RWDD2B: variants seen among roughly 807,000 people sequenced by gnomAD.
RWDD2B encodes RWD domain-containing protein 2B.
In RWDD2B, 36 loss-of-function variants were observed where a neutral mutation model predicts 33.6. The observed-to-expected ratio is 1.07, with a 90% CI of 0.82 to 1.42. The LOEUF (loss-of-function observed/expected upper bound fraction) is 1.42, where lower values mean the gene tolerates loss of function less well. RWDD2B is among the 40% of genes most tolerant of loss of function. The pLI is 0.00. For synonymous variants in RWDD2B, 126 were observed against 133.1 expected (o/e 0.95, Z 0.37); for missense variants, 364 against 377.5 (o/e 0.96, Z 0.30).
rs905920620 is a variant in RWDD2B at position 29,010,626 on chromosome 21, A to T, written c.68-2005T>A. On this transcript the variant is annotated intron_variant, in intron 1 of 4. Transcript: ENST00000493196. Reference sequence around the variant, plus strand: ...CCGTCTCAAAAAATAAAAATAAAAAAAAAAAACCAAAAAAAACCCTCTCCC... The same window carrying T: ...CCGTCTCAAAAAATAAAAATAAAAATAAAAAACCAAAAAAAACCCTCTCCC... Among the ~76,000 whole-genome samples the T allele has an allele frequency of 2.5e-3, 354 of 141,460 alleles. 2 individuals carry two copies. The highest frequency in any genetic ancestry group is 7.9e-3 in the African/African-American group (302 of 38,064). The allele number at this position is 141,460 out of a possible 152,430, so 92.8% of individuals were successfully genotyped here.
In RWDD2B at chr21:29,008,494, T is replaced by C. The variant is rs2084840801; in HGVS notation, c.195A>G (p.Ala65=). ...ELIVNDQLAV[A]ELKDCIEKKT... is the part of the protein sequence containing the mutation. ...TCTTTTCAATACAATCTTTCAGTTC[T>C]GCTACAGCCAGCTGGTCATTCACTA... is the stretch of plus-strand genomic sequence containing the variant. The change falls in exon 2 of 5, where the codon GCA becomes GCG. Residue 65 remains alanine (A), a synonymous_variant. Transcript: ENST00000493196. 1.2e-6 allele frequency: 2 copies of C among 1,614,240 alleles called. No individual in the cohort carries two copies. Among genetic ancestry groups the C allele is most frequent in the Non-Finnish European group, 1.7e-6 (2 of 1,180,044 alleles).
intron 1 of RWDD2B, 51 bp downstream of exon 1, chr21:29,019,160 T>A (rs1438798934): frequency 1.4e-6 from 2 of 1,464,680 alleles, no homozygotes; most frequent in Non-Finnish European, 1.9e-6. Flanking sequence ...CGCTGCAGCG[T>A]GGGAAACCCC....
At chr21:29,007,680 C>T (rs1003842814) in intron 4 of RWDD2B, 81 bp downstream of exon 4, 20 of 1,482,360 alleles carry the variant, frequency 1.3e-5, no homozygotes, top group African/African-American at 7.0e-5. Flanking sequence ...TTGACCAAAA[C>T]GTCACTAGGC....
chr21:29,008,213 A>G (rs1219656656), intron 3 of RWDD2B, 27 bp downstream of exon 3: 2 of 1,613,196 alleles, frequency 1.2e-6, no homozygotes, highest in Non-Finnish European at 1.7e-6. Flanking sequence ...TTGACCTCCA[A>G]AGTTGGCCAG....
intron 1 of RWDD2B, among the ~76,000 whole-genome samples, chr21:29,011,671 C>G (rs1373470356): frequency 7.4e-6 from 1 of 135,956 alleles, no homozygotes; most frequent in Non-Finnish European, 1.6e-5. Context: ...CCAGCCGCCC[C>G]GTCCGGGAGG....
Position 29,019,313 on chromosome 21 carries a change from C to T in RWDD2B, c.-36G>A, listed in dbSNP as rs757845114. ...CCTCAAAATTCTAGCATACTGCGAC[C>T]CAAAACTTACAAACCGCCTCAGCTG... On this transcript the variant is annotated 5_prime_UTR_variant, in exon 1 of 5. Transcript: ENST00000493196. 3.6e-5 allele frequency: 54 copies of T among 1,510,646 alleles called. No homozygotes were observed. In the East Asian group the frequency reaches 9.9e-4, roughly 28 times the overall value. 93.6% of individuals were successfully genotyped at this position (1,510,646 alleles called of 1,614,324 possible).
rs2084828259 is a variant in RWDD2B, at chr21:29,006,350, C to T, written c.*67G>A. ...ACTAAAATAAAATTACTTAATCTTT[C>T]AAGAAAAAGTGGGAAAAAAAAATCA... On this transcript the variant is annotated 3_prime_UTR_variant, in exon 5 of 5. Transcript: ENST00000493196. 1 of 1,039,672 alleles carries T rather than the reference C, an allele frequency of 9.6e-7. No individual in the cohort carries two copies. The highest frequency in any genetic ancestry group is 1.4e-6 in the Non-Finnish European group (1 of 710,154). The allele number at this position is 1,039,672 out of a possible 1,614,324, so 64.4% of individuals were successfully genotyped here.
At position 29,008,388 on chromosome 21, in the gene RWDD2B, G is replaced by C; in HGVS notation, c.294+7C>G. The C allele has an allele frequency of 6.2e-7, 1 of 1,613,468 alleles. No individual in the cohort carries two copies. The highest frequency in any genetic ancestry group is 8.5e-7 in the Non-Finnish European group (1 of 1,179,474). ...TTTCAATCCCTCTAAAAGCAAAACT[G>C]AATTACCATTTTTTCGTCAGATACA... On this transcript the variant is annotated splice_region_variant and intron_variant, in intron 2 of 4. Transcript: ENST00000493196.
Position 29,006,358 on chromosome 21 carries a change from A to T in RWDD2B, c.*59T>A, listed in dbSNP as rs1601018267. On this transcript the variant is annotated 3_prime_UTR_variant, in exon 5 of 5. Coordinates refer to ENST00000493196, the MANE Select transcript of RWDD2B (RefSeq NM_016940.3). The stretch of plus-strand genomic sequence containing the variant: ...AAAATTACTTAATCTTTCAAGAAAA[A>T]GTGGGAAAAAAAAATCAAAAGGCCA... 5 of 1,109,216 alleles carry T rather than the reference A, an allele frequency of 4.5e-6. No individual in the cohort carries two copies. In the East Asian group the frequency reaches 1.2e-4, roughly 27 times the overall value. The allele number at this position is 1,109,216 out of a possible 1,614,324, so 68.7% of individuals were successfully genotyped here. A position where few individuals can be genotyped will look rare whatever the true frequency, so the allele number is the denominator to read the frequency against.
intron 1 of RWDD2B, among the ~76,000 whole-genome samples, chr21:29,017,907 G>A (rs144416984): frequency 1.5e-4 from 23 of 152,328 alleles, no homozygotes; most frequent in African/African-American, 4.8e-4. Flanking sequence ...TGAGGACACG[G>A]GGAATAGAAG....
rs2084828694 is a variant in RWDD2B at position 29,006,424 on chromosome 21, C to T, written c.953G>A (p.Gly318Glu). Reference protein sequence around the residue: ...DVFQMFFGVEGQ With the variant: ...DVFQMFFGVEEQ ...TTTCAACTACTCTTGATGTCATTGT[C>T]CTTCTACACCAAAGAACATCTGGAA... Residue 318 changes from glycine (G) to glutamate (E), a missense_variant, in exon 5 of 5, where the codon GGA becomes GAA. By Grantham distance (98) the Gly-to-Glu change is moderately conservative. Coordinates refer to ENST00000493196, the MANE Select transcript of RWDD2B (RefSeq NM_016940.3). 2.5e-6 allele frequency: 4 copies of T among 1,599,432 alleles called. No individual in the cohort carries two copies. Among genetic ancestry groups the T allele is most frequent in the Non-Finnish European group, 3.4e-6 (4 of 1,171,506 alleles).
At position 29,008,111 on chromosome 21, in the gene RWDD2B, C is replaced by T; in HGVS notation, c.375G>A (p.Leu125=). The change falls in exon 4 of 5, where the codon TTG becomes TTA. Residue 125 remains leucine, a synonymous_variant. Coordinates refer to ENST00000493196, the MANE Select transcript of RWDD2B (RefSeq NM_016940.3). The part of the protein sequence containing the change: ...LPEITVRSVL[L]SRSQQTQLNT... ...TCAGCTGAGTCTGCTGGGATCTACT[C>T]AATAATACTGATCTAATAGAAAAGA... The T allele has an allele frequency of 6.2e-7, 1 of 1,612,988 alleles. No individual in the cohort carries two copies. Among genetic ancestry groups the T allele is most frequent in the Non-Finnish European group, 8.5e-7 (1 of 1,179,320 alleles).
intron 1 of RWDD2B, among the ~76,000 whole-genome samples, chr21:29,015,996 G>A (rs1484421626): frequency 6.6e-6 from 1 of 152,154 alleles, no homozygotes; most frequent in Non-Finnish European, 1.5e-5. Flanking sequence ...CAGGCCAAAT[G>A]ACATTAGCCC....
Position 29,006,267 on chromosome 21 carries a change from A to G in RWDD2B, c.*150T>C. The G allele has an allele frequency of 1.9e-6, 1 of 527,198 alleles. No individual in the cohort carries two copies. The highest frequency in any genetic ancestry group is 3.4e-6 in the Non-Finnish European group (1 of 296,186). 32.7% of individuals were successfully genotyped at this position (527,198 alleles called of 1,614,324 possible). A position where few individuals can be genotyped will look rare whatever the true frequency, so the allele number is the denominator to read the frequency against. ...CTTTCAATCATGACATTTTTAACAG[A>G]TGCATTTCAGCTATACTATTTTTTC... On this transcript the variant is annotated 3_prime_UTR_variant, in exon 5 of 5. Coordinates refer to ENST00000493196, the MANE Select transcript of RWDD2B (RefSeq NM_016940.3).
chr21:29,018,965 C>T (rs2146343409), intron 1 of RWDD2B, among the ~76,000 whole-genome samples: 1 of 152,318 alleles, frequency 6.6e-6, no homozygotes, highest in Non-Finnish European at 1.5e-5. Context: ...CCAAGACGCT[C>T]TCAGGAAGAA....
intron 1 of RWDD2B, among the ~76,000 whole-genome samples, chr21:29,015,687 G>A (rs1339831856): frequency 6.6e-6 from 1 of 151,612 alleles, no homozygotes; most frequent in African/African-American, 2.4e-5. Flanking sequence ...TCGCCACCAC[G>A]CCCAGCTAAT....
chr21:29,015,630 A>C (rs1415346258), intron 1 of RWDD2B, among the ~76,000 whole-genome samples: 2 of 151,204 alleles, frequency 1.3e-5, no homozygotes, highest in Non-Finnish European at 2.9e-5. Flanking sequence ...CCTGGGTTCA[A>C]GTGATTCTCT....
chr21:29,006,481 T>G lies in RWDD2B; in HGVS notation c.896A>C (p.Gln299Pro). The change falls in exon 5 of 5, where the codon CAG becomes CCG. Residue 299 changes from glutamine (Q) to proline (P), a missense_variant. Coordinates refer to ENST00000493196, the MANE Select transcript of RWDD2B (RefSeq NM_016940.3). ...CCCACATCCTTTGGTGTTTAAGAAC[T>G]GATAGAGCTGACCAAAGTCCATGTG... ...GNHMDFGQLY[Q>P]FLNTKGCGDV... 1 of 1,614,120 alleles carries G rather than the reference T, an allele frequency of 6.2e-7. No individual in the cohort carries two copies. The highest frequency in any genetic ancestry group is 8.5e-7 in the Non-Finnish European group (1 of 1,179,982).
Position 29,008,411 on chromosome 21 carries a change from A to C in RWDD2B, c.278T>G (p.Val93Gly). ...VYFTINMNLD[V>G]SDEKMAMFSL... ...CTGAATTACCATTTTTTCGTCAGAT[A>C]CATCCAGGTTCATATTGATAGTAAA... The change falls in exon 2 of 5, where the codon GTA becomes GGA. Residue 93 changes from valine to glycine, a missense_variant. Val to Gly is a moderately radical substitution (Grantham distance 109). Coordinates refer to ENST00000493196, the MANE Select transcript of RWDD2B (RefSeq NM_016940.3). 15 of 1,614,062 alleles carry C rather than the reference A, an allele frequency of 9.3e-6. No individual in the cohort carries two copies. The highest frequency in any genetic ancestry group is 1.3e-5 in the Non-Finnish European group (15 of 1,179,936).
Sources: allele counts gnomAD v4.1 joint callset (sites outside exome capture counted in the v4.1 genomes callset), GRCh38; gene constraint gnomAD v4.1.1; transcripts MANE v1.5; gene names NCBI Gene and HGNC (gene_info 2026-07-23, HGNC 2026-07-21).